PDE8B: variants seen among roughly 807,000 people sequenced by gnomAD.
The protein encoded by PDE8B is high affinity cAMP-specific and IBMX-insensitive 3',5'-cyclic phosphodiesterase 8B.
Under a neutral mutation model 101.3 loss-of-function variants are expected in PDE8B, and 26 were observed. That is an observed-to-expected ratio of 0.26 (90% CI 0.19 to 0.36). The LOEUF (loss-of-function observed/expected upper bound fraction) is 0.36, where lower values mean the gene tolerates loss of function less well. Ranked by LOEUF, PDE8B falls within the 10% of genes least tolerant of loss-of-function variation. PDE8B has a pLI of 1.00. For missense variants in PDE8B, 810 were observed against 1,163.1 expected, an observed-to-expected ratio of 0.70 and a Z score of 4.42; for synonymous variants, 424 against 429.3, an observed-to-expected ratio of 0.99 and a Z score of 0.15.
Position 77,243,351 on chromosome 5 carries a change from TA to T in PDE8B, c.339+32088del, listed in dbSNP as rs376611497. ...TTGTTTTGAAAAAACACCCCAGCTTTATTGGAGTATGCTTTATATACCATAA... is the reference window on the plus strand; with the variant it reads ...TTGTTTTGAAAAAACACCCCAGCTTTTTGGAGTATGCTTTATATACCATAA... On this transcript the variant is annotated intron_variant, in intron 1 of 21. Transcript: ENST00000264917. Among the ~76,000 whole-genome samples the T allele has an allele frequency of 5.0e-3, 764 of 152,340 alleles. 4 individuals are homozygous for T. The highest frequency in any genetic ancestry group is 0.017 in the African/African-American group (706 of 41,582).
chr5:77,267,496 G>GTTTT, intron 1 of PDE8B, among the ~76,000 whole-genome samples: 1 of 152,016 alleles, frequency 6.6e-6, no homozygotes, highest in East Asian at 1.9e-4. Flanking sequence ...TGAAGTGAGA[G>GTTTT]GTCTGCCTTA....
intron 20 of PDE8B, among the ~76,000 whole-genome samples, chr5:77,424,914 T>C (rs1219858574): frequency 6.6e-6 from 1 of 151,160 alleles, no homozygotes; most frequent in African/African-American, 2.4e-5. Flanking sequence ...GACTCAAAAC[T>C]CCAGGCCCCA....
intron 1 of PDE8B, among the ~76,000 whole-genome samples, chr5:77,212,211 A>C (rs1177395250): frequency 6.6e-6 from 1 of 152,200 alleles, no homozygotes; most frequent in Non-Finnish European, 1.5e-5. Flanking sequence ...TAACAATGGC[A>C]TATCCTATTG....
intron 1 of PDE8B, among the ~76,000 whole-genome samples, chr5:77,284,738 A>G (rs189490899): frequency 2.1e-3 from 316 of 152,274 alleles, no homozygotes; most frequent in African/African-American, 7.2e-3. Context: ...AGCATATACT[A>G]TTTTATGTCT....
chr5:77,343,828 GTTTC>G (rs1190620136), intron 6 of PDE8B, among the ~76,000 whole-genome samples: 1 of 135,494 alleles, frequency 7.4e-6, no homozygotes, highest in Non-Finnish European at 1.7e-5. Flanking sequence ...CAAAAAAAAT[GTTTC>G]TTTATAACAT....
At chr5:77,118,224 G>A in the PDE8B span, 140 of 391,584 alleles carry the variant, frequency 3.6e-4, 1 homozygote, top group South Asian at 9.7e-4. Context: ...TGGGATTACC[G>A]GTGTGAGCCA....
chr5:77,095,524 A>C, the PDE8B span, among the ~76,000 whole-genome samples: 1 of 152,040 alleles, frequency 6.6e-6, no homozygotes, highest in Non-Finnish European at 1.5e-5. Context: ...TGCTCAACTA[A>C]AATTTTTCAG....
At chr5:77,176,955 T>C in the PDE8B span, among the ~76,000 whole-genome samples, 2 of 152,196 alleles carry the variant, frequency 1.3e-5, no homozygotes, top group Non-Finnish European at 2.9e-5. Flanking sequence ...ATTCTGTGCC[T>C]TTGGTTTCTT....
chr5:77,132,919 TA>T, the PDE8B span, among the ~76,000 whole-genome samples: 1 of 152,214 alleles, frequency 6.6e-6, no homozygotes, highest in African/African-American at 2.4e-5. Context: ...ATTCTAGGTT[TA>T]AAACAATTTC....
chr5:77,249,944 T>C (rs1373566228), intron 1 of PDE8B, among the ~76,000 whole-genome samples: 2 of 152,240 alleles, frequency 1.3e-5, no homozygotes, highest in East Asian at 3.8e-4. Context: ...CAAGAAGATG[T>C]ATGCAGAGGT....
chr5:77,214,987 A>G (rs1749344144), intron 1 of PDE8B, among the ~76,000 whole-genome samples: 1 of 152,222 alleles, frequency 6.6e-6, no homozygotes, highest in Admixed American at 6.5e-5. Flanking sequence ...AGCAGAGTGC[A>G]TAGTACCACA....
chr5:77,416,226 G>A (rs1402807406), intron 17 of PDE8B, among the ~76,000 whole-genome samples: 1 of 152,164 alleles, frequency 6.6e-6, no homozygotes, highest in Non-Finnish European at 1.5e-5. Flanking sequence ...GGAAAGGCAT[G>A]TTTCATCTAG....
chr5:77,380,916 T>C (rs575614121), intron 10 of PDE8B, among the ~76,000 whole-genome samples: 3 of 152,186 alleles, frequency 2.0e-5, no homozygotes, highest in South Asian at 4.1e-4. Context: ...GGAAGACAAA[T>C]AGGCAGAGGA....
the PDE8B span, among the ~76,000 whole-genome samples, chr5:77,122,760 A>G: frequency 2.6e-5 from 4 of 152,234 alleles, no homozygotes; most frequent in African/African-American, 9.6e-5. Context: ...TCTGCTTTCA[A>G]TCATGAAGGA....
chr5:77,121,199 G>A, the PDE8B span, among the ~76,000 whole-genome samples: 2 of 152,152 alleles, frequency 1.3e-5, no homozygotes, highest in African/African-American at 4.8e-5. Flanking sequence ...AATATTTCAA[G>A]CCAAGGCTGC....
chr5:77,333,569 T>A (rs73767373), intron 5 of PDE8B, among the ~76,000 whole-genome samples: 2 of 152,180 alleles, frequency 1.3e-5, no homozygotes, highest in African/African-American at 2.4e-5. Flanking sequence ...TCAGGACCCA[T>A]GTACGTGCTG....
At chr5:77,302,515 C>A (rs922189674) in intron 1 of PDE8B, among the ~76,000 whole-genome samples, 2 of 152,174 alleles carry the variant, frequency 1.3e-5, no homozygotes, top group South Asian at 2.1e-4. Context: ...GCAGCGGGAG[C>A]GGGTGCCTTG....
chr5:77,309,906 C>T (rs1245862337), intron 1 of PDE8B, among the ~76,000 whole-genome samples: 1 of 149,424 alleles, frequency 6.7e-6, no homozygotes, highest in Non-Finnish European at 1.5e-5. Flanking sequence ...AGGCATGAGC[C>T]ACCATGCCCA....
chr5:77,372,427 C>G (rs544513005), intron 10 of PDE8B, among the ~76,000 whole-genome samples: 2 of 152,242 alleles, frequency 1.3e-5, no homozygotes, highest in African/African-American at 2.4e-5. Context: ...TAGGATTGTG[C>G]TGGCCTATTA....
Sources: allele counts gnomAD v4.1 joint callset (sites outside exome capture counted in the v4.1 genomes callset), GRCh38; gene constraint gnomAD v4.1.1; transcripts MANE v1.5; gene names NCBI Gene and HGNC (gene_info 2026-07-23, HGNC 2026-07-21).